Variants in DTNA observed in about 807,000 individuals in gnomAD.
DTNA encodes the protein dystrobrevin alpha.
DTNA carries 43 observed loss-of-function variants against 100.7 expected under a neutral mutation model. The observed-to-expected ratio is 0.43, with a 90% CI of 0.33 to 0.55. DTNA has a LOEUF of 0.55. Ranked by LOEUF, DTNA falls within the 20% of genes least tolerant of loss-of-function variation. The probability of loss-of-function intolerance (pLI) is 0.04; values close to 1 mark genes in which losing one functional copy is unlikely to be tolerated. For synonymous variants in DTNA, 349 were observed against 347.9 expected (o/e 1.00, Z -0.04); for missense variants, 798 against 953.9 (o/e 0.84, Z 2.15).
chr18:34,830,916 G>A (rs1435868244), intron 11 of DTNA, among the ~76,000 whole-genome samples: 1 of 152,134 alleles, frequency 6.6e-6, no homozygotes, highest in Non-Finnish European at 1.5e-5. Context: ...TGTATGGTGA[G>A]CCAGCAACAT....
chr18:34,550,146 A>G (rs2045248821), intron 1 of DTNA, among the ~76,000 whole-genome samples: 1 of 152,120 alleles, frequency 6.6e-6, no homozygotes, highest in South Asian at 2.1e-4. Flanking sequence ...GTACAACCTC[A>G]GTTGGATTAG....
intron 3 of DTNA, among the ~76,000 whole-genome samples, chr18:34,793,187 G>A (rs939463805): frequency 4.6e-5 from 7 of 152,234 alleles, no homozygotes; most frequent in Non-Finnish European, 8.8e-5. Flanking sequence ...CTGGAACAGG[G>A]AATGAGGATG....
chr18:34,576,945 A>T (rs904689244), intron 1 of DTNA, among the ~76,000 whole-genome samples: 1 of 152,156 alleles, frequency 6.6e-6, no homozygotes, highest in Admixed American at 6.5e-5. Context: ...TCTAGGCTAC[A>T]GCCTTAGAGA....
intron 1 of DTNA, among the ~76,000 whole-genome samples, chr18:34,592,850 C>T (rs951990297): frequency 6.6e-6 from 1 of 152,084 alleles, no homozygotes; most frequent in African/African-American, 2.4e-5. Context: ...AAATGCTGTC[C>T]TACAATGAAA....
intron 1 of DTNA, among the ~76,000 whole-genome samples, chr18:34,641,340 G>A (rs1481078339): frequency 6.6e-6 from 1 of 152,072 alleles, no homozygotes; most frequent in East Asian, 1.9e-4. Context: ...GTTTAATACT[G>A]GAAATTTCTC....
intron 1 of DTNA, among the ~76,000 whole-genome samples, chr18:34,597,569 G>A (rs2050888026): frequency 6.6e-6 from 1 of 152,052 alleles, no homozygotes; most frequent in South Asian, 2.1e-4. Flanking sequence ...AAAATCTTTA[G>A]TGATTCATGA....
At chr18:34,791,342 G>A (rs1351318071) in intron 3 of DTNA, among the ~76,000 whole-genome samples, 1 of 152,008 alleles carries the variant, frequency 6.6e-6, no homozygotes, top group African/African-American at 2.4e-5. Flanking sequence ...GGAACTAGGT[G>A]AGGATAGGTC....
In DTNA at chr18:34,567,848, G is replaced by A. The variant is rs994029807; in HGVS notation, c.-2+74334G>A. ...TTAGAATTTAATAAGCCTTTCACCC[G>A]AGAGAAAATTTTGGTCTCTGTAAAG... On this transcript the variant is annotated intron_variant, in intron 1 of 19. Transcript: ENST00000283365. Among the ~76,000 whole-genome samples the A allele has an allele frequency of 4.6e-5, 7 of 152,050 alleles. No homozygotes were observed. In the East Asian group the frequency reaches 9.6e-4, roughly 21 times the overall value.
intron 1 of DTNA, among the ~76,000 whole-genome samples, chr18:34,735,993 T>C (rs1168380418): frequency 6.6e-6 from 1 of 152,184 alleles, no homozygotes; most frequent in Non-Finnish European, 1.5e-5. Context: ...ACTTTACTAC[T>C]TTTGGAATTT....
intron 1 of DTNA, among the ~76,000 whole-genome samples, chr18:34,580,923 C>T (rs951308920): frequency 2.0e-5 from 3 of 152,180 alleles, no homozygotes; most frequent in Non-Finnish European, 4.4e-5. Context: ...GTATTCTAAT[C>T]TGTGGTACCT....
At chr18:34,860,615 A>G (rs1177101917) in intron 16 of DTNA, among the ~76,000 whole-genome samples, 1 of 152,174 alleles carries the variant, frequency 6.6e-6, no homozygotes, top group African/African-American at 2.4e-5. Context: ...CTCTTCAGAC[A>G]CTTTAACACC....
chr18:34,837,196 C>T (rs1212261328), intron 11 of DTNA, among the ~76,000 whole-genome samples: 1 of 152,090 alleles, frequency 6.6e-6, no homozygotes, highest in Non-Finnish European at 1.5e-5. Context: ...CACCAGTGTG[C>T]AGGACAAATT....
chr18:34,575,657 T>A (rs564270349), intron 1 of DTNA, among the ~76,000 whole-genome samples: 2 of 152,360 alleles, frequency 1.3e-5, no homozygotes, highest in South Asian at 4.1e-4. Flanking sequence ...TTTAATACTA[T>A]CTATAGCTGT....
chr18:34,643,233 C>A (rs752646246), intron 1 of DTNA, among the ~76,000 whole-genome samples: 1 of 152,112 alleles, frequency 6.6e-6, no homozygotes, highest in Non-Finnish European at 1.5e-5. Flanking sequence ...ATAATTAGAG[C>A]CCATGGGTTC....
intron 11 of DTNA, among the ~76,000 whole-genome samples, chr18:34,830,211 C>A (rs904854969): frequency 6.6e-6 from 1 of 151,920 alleles, no homozygotes; most frequent in Non-Finnish European, 1.5e-5. Flanking sequence ...CCTAGCCCAT[C>A]CCAACAATGA....
Position 34,869,229 on chromosome 18 carries a change from G to A in DTNA, c.1743+5167G>A, listed in dbSNP as rs1256609278. Reference sequence around the variant, plus strand: ...GTAAAATCTTATACGTCAGCTATAAGTATGAATGTATGTATATAGGTATAC... The same window carrying A: ...GTAAAATCTTATACGTCAGCTATAAATATGAATGTATGTATATAGGTATAC... On this transcript the variant is annotated intron_variant, in intron 17 of 22. Coordinates refer to ENST00000444659, the MANE Select transcript of DTNA (RefSeq NM_001386795.1). 3.3e-5 allele frequency among the ~76,000 whole-genome samples: 5 copies of A among 152,208 alleles called. No homozygotes were observed. The South Asian group carries it at 6.2e-4, about 19-fold the overall frequency.
At chr18:34,650,517 C>T (rs1350234637) in intron 1 of DTNA, among the ~76,000 whole-genome samples, 2 of 152,014 alleles carry the variant, frequency 1.3e-5, no homozygotes, top group African/African-American at 2.4e-5. Flanking sequence ...TTTCCTTTTT[C>T]GACACTGTTA....
At chr18:34,765,577 T>C (rs1191375239) in intron 2 of DTNA, among the ~76,000 whole-genome samples, 2 of 152,226 alleles carry the variant, frequency 1.3e-5, no homozygotes, top group Admixed American at 6.5e-5. Flanking sequence ...AGCCACATTC[T>C]AATGACCAAT....
intron 14 of DTNA, among the ~76,000 whole-genome samples, 194 bp downstream of exon 14, chr18:34,848,577 C>G (rs1011099489): frequency 6.6e-6 from 1 of 151,992 alleles, no homozygotes; most frequent in Non-Finnish European, 1.5e-5. Context: ...ACTTGAGGAA[C>G]AAAACCATCC....
Sources: allele counts gnomAD v4.1 joint callset (sites outside exome capture counted in the v4.1 genomes callset), GRCh38; gene constraint gnomAD v4.1.1; transcripts MANE v1.5; gene names NCBI Gene and HGNC (gene_info 2026-07-23, HGNC 2026-07-21).